AGAP1: variants seen among roughly 807,000 people sequenced by gnomAD.
The protein encoded by AGAP1 is ArfGAP with GTPase domain, ankyrin repeat and PH domain 1, also known as arf-GAP with GTPase, ANK repeat and PH domain-containing protein 1.
Under a neutral mutation model 105.3 loss-of-function variants are expected in AGAP1, and 29 were observed. The ratio of observed to expected loss-of-function variants is 0.28; its 90% CI spans 0.21 to 0.38. The LOEUF is 0.38. Ranked by LOEUF, AGAP1 falls within the 10% of genes least tolerant of loss-of-function variation. The pLI is 1.00. For synonymous variants in AGAP1, 509 were observed against 485.9 expected (o/e 1.05, Z -0.63); for missense variants, 998 against 1,165.1 (o/e 0.86, Z 2.09).
chr2:235,630,852 A>G (rs1385723144), intron 1 of AGAP1, among the ~76,000 whole-genome samples: 3 of 152,130 alleles, frequency 2.0e-5, no homozygotes, highest in Middle Eastern at 3.2e-3. Context: ...CCTCCTAATG[A>G]TTTGAACTGA....
chr2:235,555,602 G>A lies in AGAP1; in HGVS notation c.163+60753G>A, dbSNP rs1209632475. On this transcript the variant is annotated intron_variant, in intron 1 of 17. Coordinates refer to ENST00000304032, the MANE Select transcript of AGAP1 (RefSeq NM_001037131.3). This position sits in a 1 kb window ranked among gnomAD's most constrained non-coding sequence, Gnocchi z 5.1. ...TAGTCATGTTTGGAGGCCGGGCTGT[G>A]CATGAGCTATGCAGGCCTTGGGGTC... 6.6e-6 allele frequency among the ~76,000 whole-genome samples: 1 copy of A among 152,206 alleles called. No individual in the cohort carries two copies. The highest frequency in any genetic ancestry group is 1.5e-5 in the Non-Finnish European group (1 of 68,028).
chr2:235,949,482 C>A (rs1478754832), intron 12 of AGAP1, among the ~76,000 whole-genome samples: 1 of 152,178 alleles, frequency 6.6e-6, no homozygotes, highest in Non-Finnish European at 1.5e-5. Flanking sequence ...TCCGCCTGTT[C>A]TTCTGCACCG....
At chr2:235,590,715 A>ATTTTT (rs67076321) in intron 1 of AGAP1, among the ~76,000 whole-genome samples, 4 of 53,694 alleles carry the variant, frequency 7.4e-5, no homozygotes, top group South Asian at 8.5e-4. Flanking sequence ...GTGTGTGTGC[A>ATTTTT]TTTTTTTTTT....
intron 1 of AGAP1, among the ~76,000 whole-genome samples, chr2:235,644,497 A>G (rs1947308059): frequency 6.6e-6 from 1 of 152,082 alleles, no homozygotes; most frequent in Non-Finnish European, 1.5e-5. Context: ...GCTCATCATC[A>G]TTCTCTGCTT....
At chr2:235,932,673 C>A (rs2052778333) in intron 12 of AGAP1, among the ~76,000 whole-genome samples, 1 of 152,184 alleles carries the variant, frequency 6.6e-6, no homozygotes. Flanking sequence ...ATCTAAAATT[C>A]ATCCTATACA....
Position 235,736,689 on chromosome 2 carries a change from A to G in AGAP1, c.311-4274A>G, listed in dbSNP as rs1466094124. 2.0e-5 allele frequency among the ~76,000 whole-genome samples: 3 copies of G among 152,128 alleles called. No individual in the cohort carries two copies. The highest frequency in any genetic ancestry group is 4.4e-5 in the Non-Finnish European group (3 of 68,022). ...GGGCAACACAATGAGGCCCCATCTC[A>G]TCTATCCAGGTGTGGCGGCACATGT... On this transcript the variant is annotated intron_variant, in intron 3 of 17. Transcript: ENST00000304032. This position sits in a 1 kb window ranked among gnomAD's most constrained non-coding sequence, Gnocchi z 5.5.
At chr2:236,099,371 C>T (rs1444756822) in intron 16 of AGAP1, among the ~76,000 whole-genome samples, 2 of 151,736 alleles carry the variant, frequency 1.3e-5, no homozygotes, top group African/African-American at 4.8e-5. Flanking sequence ...AGGAGAATGG[C>T]ATGAACCCAG....
At chr2:235,554,461 G>T (rs1943912055) in intron 1 of AGAP1, among the ~76,000 whole-genome samples, 2 of 152,206 alleles carry the variant, frequency 1.3e-5, no homozygotes, top group African/African-American at 4.8e-5. Flanking sequence ...CCATGCTGCT[G>T]TGTTACAGCC....
chr2:235,945,347 A>G (rs1365320331), intron 12 of AGAP1, among the ~76,000 whole-genome samples: 1 of 152,068 alleles, frequency 6.6e-6, no homozygotes, highest in Non-Finnish European at 1.5e-5. Context: ...CTCGTGATCC[A>G]CCCACCTTGG....
At chr2:236,077,138 A>T (rs570515858) in intron 16 of AGAP1, among the ~76,000 whole-genome samples, 1,850 of 139,164 alleles carry the variant, frequency 0.013, 39 homozygotes, top group African/African-American at 0.045. Context: ...AAAAAAAAAA[A>T]AAAAATATAT....
Position 235,729,820 on chromosome 2 carries a change from TC to T in AGAP1, c.311-11141del, listed in dbSNP as rs977182801. 6.6e-6 allele frequency among the ~76,000 whole-genome samples: 1 copy of T among 152,132 alleles called. No individual in the cohort carries two copies. Among genetic ancestry groups the T allele is most frequent in the African/African-American group, 2.4e-5 (1 of 41,392 alleles). ...ACTACAGCAGCGACTTGTCACCTCT[TC>T]CGTGTTGCTACTGCCTGAGAACAGA... On this transcript the variant is annotated intron_variant, in intron 3 of 17. Transcript: ENST00000304032. This position sits in a 1 kb window ranked among gnomAD's most constrained non-coding sequence, Gnocchi z 5.0.
chr2:236,090,030 C>T lies in AGAP1; in HGVS notation c.2115-30162C>T, dbSNP rs1316654693. On this transcript the variant is annotated intron_variant, in intron 16 of 17. Coordinates refer to ENST00000304032, the MANE Select transcript of AGAP1 (RefSeq NM_001037131.3). This position sits in a 1 kb window ranked among gnomAD's most constrained non-coding sequence, Gnocchi z 4.3. ...TGGCTGCAAATGAATCCATCGGATA[C>T]AGAAGTTTTGAGGTGAGTGGAGTTG... 6.6e-6 allele frequency among the ~76,000 whole-genome samples: 1 copy of T among 152,160 alleles called. No individual in the cohort carries two copies. The highest frequency in any genetic ancestry group is 2.4e-5 in the African/African-American group (1 of 41,444).
At chr2:236,100,548 G>T (rs1302928394) in intron 16 of AGAP1, among the ~76,000 whole-genome samples, 5 of 152,096 alleles carry the variant, frequency 3.3e-5, no homozygotes, top group African/African-American at 4.8e-5. Context: ...GTTGAGGCCG[G>T]ATGCAGTGGC....
At chr2:235,509,997 T>G (rs1224361985) in intron 1 of AGAP1, among the ~76,000 whole-genome samples, 1 of 152,130 alleles carries the variant, frequency 6.6e-6, no homozygotes, top group Non-Finnish European at 1.5e-5. Context: ...ATGAGGGATC[T>G]AGATTTGGCG....
chr2:235,771,440 G>C (rs2675127), intron 6 of AGAP1, among the ~76,000 whole-genome samples: 38,581 of 152,162 alleles, frequency 0.25, 5,283 homozygotes, highest in Admixed American at 0.4. Flanking sequence ...ACCTGCCACA[G>C]GATGCAGCCA....
chr2:235,999,200 T>G (rs2055965004), intron 13 of AGAP1, among the ~76,000 whole-genome samples: 1 of 143,370 alleles, frequency 7.0e-6, no homozygotes. Context: ...GATGGCAGTG[T>G]GATGACCAAT....
rs768119929 is a variant in AGAP1, at chr2:236,036,692, T to G, written c.1777T>G (p.Ser593Ala). ...GAGCCAGATCCTGGCCAGCCTGCAG[T>G]CGTGCGAGAGCAGCAAGAACAAGGT... ...IESQILASLQ[S>A]CESSKNKSRL... Residue 593 changes from serine (S) to alanine (A), a missense_variant, in exon 14 of 18, where the codon TCG becomes GCG. By Grantham distance (99) the Ser-to-Ala change is moderately conservative (BLOSUM62 1). Transcript: ENST00000304032. The surrounding 1 kb of genome is among the most constrained non-coding windows in gnomAD (Gnocchi z 5.7). 3.7e-6 allele frequency: 6 copies of G among 1,613,936 alleles called. No homozygotes were observed. In the African/African-American group the frequency reaches 8.0e-5, roughly 22 times the overall value.
chr2:236,056,603 C>G lies in AGAP1; in HGVS notation c.2114+7322C>G, dbSNP rs552152184. On this transcript the variant is annotated intron_variant, in intron 16 of 17. Coordinates refer to ENST00000304032, the MANE Select transcript of AGAP1 (RefSeq NM_001037131.3). The surrounding 1 kb of genome is among the most constrained non-coding windows in gnomAD (Gnocchi z 4.6). ...AAATATGGCCTCTATTTTGATTCCT[C>G]CAGCAGTCAAGCATTTTCCAAAGGG... 6.6e-6 allele frequency among the ~76,000 whole-genome samples: 1 copy of G among 152,314 alleles called. No individual in the cohort carries two copies. The highest frequency in any genetic ancestry group is 2.1e-4 in the South Asian group (1 of 4,828).
At position 235,701,915 on chromosome 2, in the gene AGAP1, G is replaced by A. The variant is rs752275979; in HGVS notation, c.164-7264G>A. Among the ~76,000 whole-genome samples the A allele has an allele frequency of 5.3e-5, 8 of 151,926 alleles. No individual in the cohort carries two copies. The highest frequency in any genetic ancestry group is 2.1e-4 in the South Asian group (1 of 4,792). ...TTTGTTTTATATTTGGGGGCTTTAC[G>A]GCTGCTTTAAACTAAAAATAAATGC... is the stretch of plus-strand genomic sequence containing the variant. On this transcript the variant is annotated intron_variant, in intron 1 of 17. Transcript: ENST00000304032. The surrounding 1 kb of genome is among the most constrained non-coding windows in gnomAD (Gnocchi z 4.1).
Sources: allele counts gnomAD v4.1 joint callset (sites outside exome capture counted in the v4.1 genomes callset), GRCh38; gene constraint gnomAD v4.1.1; non-coding constraint Gnocchi (gnomAD v3.1); transcripts MANE v1.5; gene names NCBI Gene and HGNC (gene_info 2026-07-23, HGNC 2026-07-21).